The following DHRSX variants were observed in gnomAD, a reference collection of about 807,000 sequenced individuals.
DHRSX encodes the protein dehydrogenase/reductase X-linked, also known as polyprenol dehydrogenase.
DHRSX carries 31 observed loss-of-function variants against 34.0 expected under a neutral mutation model. The ratio of observed to expected loss-of-function variants is 0.91; its 90% confidence interval spans 0.69 to 1.23. The LOEUF is 1.23. DHRSX is among the 50% of genes most tolerant of loss of function. The pLI, the probability that DHRSX is intolerant of heterozygous loss-of-function variation, is 0.00. For missense variants in DHRSX, 414 were observed against 428.1 expected (o/e 0.97, Z 0.29); for synonymous variants, 201 against 183.8 (o/e 1.09, Z -0.76).
At chrX:2,329,062 A>G (rs1356435701) in intron 3 of DHRSX, among the ~76,000 whole-genome samples, 6 of 152,198 alleles carry the variant, frequency 3.9e-5, no homozygotes, top group Non-Finnish European at 7.3e-5. Context: ...TTATTTAATT[A>G]TTCGGTGAAG....
chrX:2,336,230 G>A (rs1055910079), intron 3 of DHRSX, among the ~76,000 whole-genome samples: 1 of 151,834 alleles, frequency 6.6e-6, no homozygotes. Flanking sequence ...GGATGGTCTC[G>A]ATCTACTGAC....
chrX:2,365,015 TCTA>T, intron 3 of DHRSX, among the ~76,000 whole-genome samples: 1 of 150,424 alleles, frequency 6.6e-6, no homozygotes, highest in African/African-American at 2.5e-5. Context: ...AACTGGCATA[TCTA>T]TCTATCTATC....
chrX:2,304,204 AATGGATGGATGGATGG>A (rs374906907), intron 3 of DHRSX, among the ~76,000 whole-genome samples: 4 of 62,048 alleles, frequency 6.4e-5, no homozygotes, highest in Non-Finnish European at 8.7e-5. Context: ...TGGATGGATA[AATGGATGGATGGATGG>A]ATGGATGGAT....
chrX:2,425,339 AT>A (rs1456019841), intron 1 of DHRSX, 35 bp from the exon 2 acceptor site: 10 of 1,555,422 alleles, frequency 6.4e-6, no homozygotes, highest in Non-Finnish European at 8.0e-6. Flanking sequence ...TCAAACTAAG[AT>A]TTGAAAGCAG....
intron 4 of DHRSX, 84 bp downstream of exon 4, chrX:2,291,418 G>T: frequency 9.5e-7 from 1 of 1,051,618 alleles, no homozygotes; most frequent in Non-Finnish European, 1.5e-6. Flanking sequence ...CTGTTTTGCT[G>T]AGACACTTCT....
intron 1 of DHRSX, among the ~76,000 whole-genome samples, chrX:2,429,966 C>T (rs1356768992): frequency 1.3e-5 from 2 of 152,132 alleles, no homozygotes; most frequent in Non-Finnish European, 2.9e-5. Flanking sequence ...TCCATACATA[C>T]ACAAACAATT....
At chrX:2,298,056 TG>T (rs1414116355) in intron 3 of DHRSX, among the ~76,000 whole-genome samples, 1 of 151,842 alleles carries the variant, frequency 6.6e-6, no homozygotes, top group Non-Finnish European at 1.5e-5. Flanking sequence ...ACGCCTAGCC[TG>T]GGGTTTTTAT....
chrX:2,312,833 C>T (rs1474888608), intron 3 of DHRSX, among the ~76,000 whole-genome samples: 2 of 152,022 alleles, frequency 1.3e-5, no homozygotes, highest in Non-Finnish European at 2.9e-5. Flanking sequence ...TAAATTTCTT[C>T]CTGAGGGTCC....
chrX:2,458,371 C>G (rs1883256181), intron 1 of DHRSX, among the ~76,000 whole-genome samples: 1 of 152,172 alleles, frequency 6.6e-6, no homozygotes, highest in Non-Finnish European at 1.5e-5. Context: ...CCATCAATGG[C>G]ATACCTGCAC....
At chrX:2,235,113 T>C (rs1264449195) in intron 6 of DHRSX, among the ~76,000 whole-genome samples, 2 of 152,184 alleles carry the variant, frequency 1.3e-5, no homozygotes, top group African/African-American at 4.8e-5. Context: ...GGAAGTTGTA[T>C]TTTAATGGAA....
intron 3 of DHRSX, among the ~76,000 whole-genome samples, chrX:2,342,764 C>G (rs1569491341): frequency 6.6e-6 from 1 of 152,120 alleles, no homozygotes; most frequent in Non-Finnish European, 1.5e-5. Flanking sequence ...GACTCTGCTC[C>G]CGCCCCAACC....
chrX:2,443,958 A>G (rs1040492006), intron 1 of DHRSX, among the ~76,000 whole-genome samples: 10 of 150,794 alleles, frequency 6.6e-5, no homozygotes, highest in African/African-American at 2.2e-4. Context: ...GTGAGCTGAG[A>G]TCACACCCTG....
intron 3 of DHRSX, among the ~76,000 whole-genome samples, chrX:2,318,285 G>C (rs997266953): frequency 4.0e-5 from 6 of 150,692 alleles, no homozygotes; most frequent in African/African-American, 1.2e-4. Context: ...AGGATCACTT[G>C]AGCTGAGAAG....
intron 5 of DHRSX, among the ~76,000 whole-genome samples, chrX:2,249,482 T>C (rs73628252): frequency 0.55 from 78,874 of 142,524 alleles, 25,253 homozygotes; most frequent in Non-Finnish European, 0.75. Flanking sequence ...ACAGACGTGA[T>C]GTGAGCCACC....
intron 3 of DHRSX, among the ~76,000 whole-genome samples, chrX:2,292,030 A>G (rs35178888): frequency 0.2 from 29,929 of 150,838 alleles, 3,293 homozygotes; most frequent in Admixed American, 0.25. Flanking sequence ...GTGAGCCACC[A>G]CGCCTGTCCA....
intron 3 of DHRSX, among the ~76,000 whole-genome samples, chrX:2,372,820 G>C (rs28707717): frequency 0.33 from 49,670 of 151,548 alleles, 9,173 homozygotes; most frequent in African/African-American, 0.5. Flanking sequence ...TCATGTTGGC[G>C]AGGCTGGTCT....
chrX:2,259,998 A>G (rs1316307173), intron 5 of DHRSX, among the ~76,000 whole-genome samples: 2 of 151,326 alleles, frequency 1.3e-5, no homozygotes, highest in African/African-American at 4.9e-5. Flanking sequence ...CCACCATTCA[A>G]TCCACTACAA....
chrX:2,480,573 C>T (rs910904940), intron 1 of DHRSX, among the ~76,000 whole-genome samples: 1 of 151,508 alleles, frequency 6.6e-6, no homozygotes, highest in Non-Finnish European at 1.5e-5. Flanking sequence ...GTCCCAGCTA[C>T]TTGGGAGGCT....
At chrX:2,421,196 T>C (rs962579429) in intron 2 of DHRSX, among the ~76,000 whole-genome samples, 2 of 152,068 alleles carry the variant, frequency 1.3e-5, no homozygotes, top group Non-Finnish European at 2.9e-5. Flanking sequence ...CCAAGCAACA[T>C]GGTGAGGCCC....
Sources: gnomAD v4.1 joint callset for allele counts (sites outside exome capture counted in the v4.1 genomes callset) on GRCh38, gnomAD v4.1.1 for gene constraint, MANE v1.5 for transcripts, NCBI Gene and HGNC (gene_info 2026-07-23, HGNC 2026-07-21) for gene names.